SRGAP3: variants seen among roughly 807,000 people sequenced by gnomAD.
SRGAP3 encodes the protein SLIT-ROBO Rho GTPase activating protein 3, also known as SLIT-ROBO Rho GTPase-activating protein 3.
A neutral mutation model predicts 121.1 loss-of-function variants in SRGAP3; 39 were observed. The ratio of observed to expected loss-of-function variants is 0.32; its 90% CI spans 0.25 to 0.42. The LOEUF (loss-of-function observed/expected upper bound fraction) is 0.42. SRGAP3 is among the 10% of genes least tolerant of loss of function. The probability of loss-of-function intolerance (pLI) is 1.00; values close to 1 mark genes in which losing one functional copy is unlikely to be tolerated. For synonymous variants in SRGAP3, 601 were observed against 570.0 expected (o/e 1.05, Z -0.77); for missense variants, 1,213 against 1,470.6 (o/e 0.82, Z 2.86).
intron 18 of SRGAP3, among the ~76,000 whole-genome samples, chr3:9,003,718 A>C (rs1942903012): frequency 6.6e-6 from 1 of 152,118 alleles, no homozygotes; most frequent in Non-Finnish European, 1.5e-5. Flanking sequence ...AAGATAAAAC[A>C]CTCAACAAAC....
At chr3:9,288,106 AT>A (rs1337030890) in intron 3 of SRGAP3, among the ~76,000 whole-genome samples, 1 of 144,930 alleles carries the variant, frequency 6.9e-6, no homozygotes, top group African/African-American at 2.5e-5. Context: ...ATAAAGCAAT[AT>A]TGAATTGTTT....
chr3:9,172,672 C>T (rs937021873), intron 1 of SRGAP3, among the ~76,000 whole-genome samples: 1 of 152,188 alleles, frequency 6.6e-6, no homozygotes, highest in Non-Finnish European at 1.5e-5. Flanking sequence ...AAGACTAACC[C>T]CTTTCTGGCC....
intron 1 of SRGAP3, among the ~76,000 whole-genome samples, chr3:9,237,330 A>G (rs1321584482): frequency 2.0e-5 from 3 of 151,898 alleles, no homozygotes; most frequent in Non-Finnish European, 2.9e-5. Flanking sequence ...GCATCTAGTG[A>G]GTACAGGTCA....
At chr3:9,086,589 A>G (rs553868260) in intron 3 of SRGAP3, among the ~76,000 whole-genome samples, 20 of 149,990 alleles carry the variant, frequency 1.3e-4, no homozygotes, top group East Asian at 9.7e-4. Context: ...GTGTGTGTGT[A>G]TATATATAGG....
At chr3:9,225,419 G>A (rs1319647687) in intron 1 of SRGAP3, among the ~76,000 whole-genome samples, 2 of 152,186 alleles carry the variant, frequency 1.3e-5, no homozygotes, top group African/African-American at 4.8e-5. Flanking sequence ...CAGGCCCACA[G>A]TGTGGAAGTT....
At chr3:9,265,622 A>G (rs1031218780) in intron 3 of SRGAP3, among the ~76,000 whole-genome samples, 1 of 152,200 alleles carries the variant, frequency 6.6e-6, no homozygotes, top group African/African-American at 2.4e-5. Flanking sequence ...TGAAAAAAAA[A>G]ACTCATCATC....
chr3:9,149,512 G>T (rs1950140103), intron 1 of SRGAP3, among the ~76,000 whole-genome samples: 3 of 152,162 alleles, frequency 2.0e-5, no homozygotes, highest in Admixed American at 2.0e-4. Flanking sequence ...AAACAGAGCT[G>T]CCCTGTGACT....
chr3:9,008,154 G>A (rs902307826), intron 18 of SRGAP3: 3 of 152,228 alleles, frequency 2.0e-5, no homozygotes, highest in African/African-American at 7.2e-5. Flanking sequence ...CATGCATTCT[G>A]GGGGCCACTG....
upstream of SRGAP3, among the ~76,000 whole-genome samples, chr3:9,253,460 C>T (rs529644521): frequency 3.9e-4 from 59 of 152,306 alleles, no homozygotes; most frequent in Non-Finnish European, 7.9e-4. Flanking sequence ...GCAAAACTCA[C>T]TGAACCGGTT....
chr3:9,177,555 C>T (rs1951224118), intron 1 of SRGAP3, among the ~76,000 whole-genome samples: 1 of 152,134 alleles, frequency 6.6e-6, no homozygotes, highest in Non-Finnish European at 1.5e-5. Context: ...TTCATGTATA[C>T]TCAAAGGTCT....
intron 4 of SRGAP3, among the ~76,000 whole-genome samples, chr3:9,073,257 C>T (rs1946803663): frequency 6.6e-6 from 1 of 152,220 alleles, no homozygotes; most frequent in African/African-American, 2.4e-5. Flanking sequence ...AATCCTCCCA[C>T]CTCAACCTCC....
chr3:9,042,112 A>G (rs1945042885), intron 10 of SRGAP3, among the ~76,000 whole-genome samples: 1 of 152,110 alleles, frequency 6.6e-6, no homozygotes, highest in Non-Finnish European at 1.5e-5. Context: ...CAAAAAAAAA[A>G]AAAAAAGAGA....
At chr3:9,268,554 T>A (rs1226525766) in intron 3 of SRGAP3, among the ~76,000 whole-genome samples, 1 of 152,076 alleles carries the variant, frequency 6.6e-6, no homozygotes, top group African/African-American at 2.4e-5. Context: ...ATCATTCTAG[T>A]TAAGCCTTCA....
intron 1 of SRGAP3, among the ~76,000 whole-genome samples, chr3:9,355,238 C>A (rs764729320): frequency 1.8e-4 from 27 of 152,218 alleles, no homozygotes; most frequent in Non-Finnish European, 3.4e-4. Context: ...ACAGTTCTCA[C>A]CACACCCACC....
rs75148613 is a variant in SRGAP3, at chr3:9,234,222, G to A, written c.67+14663C>T. Among the ~76,000 whole-genome samples, 733 of 152,234 alleles carry A rather than the reference G, an allele frequency of 4.8e-3. 11 individuals are homozygous for A. The highest frequency in any genetic ancestry group is 0.017 in the African/African-American group (707 of 41,514). The stretch of plus-strand genomic sequence containing the variant: ...GTCAAGGAGTAATCAACTATAAGAC[G>A]TCAGAAGCCAGAGAGTGACTGTTGT... On this transcript the variant is annotated intron_variant, in intron 1 of 21. Coordinates refer to ENST00000383836, the MANE Select transcript of SRGAP3 (RefSeq NM_014850.4).
At chr3:9,099,699 C>G (rs1394942137) in intron 3 of SRGAP3, among the ~76,000 whole-genome samples, 1 of 152,224 alleles carries the variant, frequency 6.6e-6, no homozygotes, top group Non-Finnish European at 1.5e-5. Flanking sequence ...ATGAGTATCA[C>G]CTGGGAATAT....
chr3:9,049,560 C>T, intron 9 of SRGAP3: 1 of 452,612 alleles, frequency 2.2e-6, no homozygotes, highest in Non-Finnish European at 4.4e-6. Context: ...CCCTGTCCTC[C>T]CCAGTGTAAA....
At position 8,985,817 on chromosome 3, in the gene SRGAP3, G is replaced by A. The variant is rs1432381205; in HGVS notation, c.3002C>T (p.Pro1001Leu). The A allele has an allele frequency of 1.9e-6, 3 of 1,600,542 alleles. No individual in the cohort carries two copies. The highest frequency in any genetic ancestry group is 2.5e-6 in the Non-Finnish European group (3 of 1,179,916). Reference protein sequence around the residue: ...VLDTLEPLKNPPGPVSSEPAS... With the variant: ...VLDTLEPLKNLPGPVSSEPAS... ...GGGCTCCGAGCTGACGGGGCCTGGC[G>A]GGTTCTTCAGGGGCTCCAGGGTGTC... The change falls in exon 22 of 22, where the codon CCG (proline) becomes CTG (leucine). Residue 1001 changes from proline (P) to leucine (L), a missense_variant. Around this residue, in one of 2 missense-constraint regions of SRGAP3, gnomAD observed 420 missense variants for 437.7 expected, o/e 0.96. Transcript: ENST00000383836. This position sits in a 1 kb window ranked among gnomAD's most constrained non-coding sequence, Gnocchi z 5.1.
At chr3:9,349,006 C>T in intron 1 of SRGAP3, 2 of 934,024 alleles carry the variant, frequency 2.1e-6, no homozygotes, top group Non-Finnish European at 3.6e-6. Flanking sequence ...GCAACAGCCC[C>T]CCGGGCATTG....
Sources: allele counts gnomAD v4.1 joint callset (sites outside exome capture counted in the v4.1 genomes callset), GRCh38; gene constraint gnomAD v4.1.1; regional missense constraint gnomAD v4.1.1; non-coding constraint Gnocchi (gnomAD v3.1); transcripts MANE v1.5; gene names NCBI Gene and HGNC (gene_info 2026-07-23, HGNC 2026-07-21).